PLCG2: variants seen among roughly 807,000 people sequenced by gnomAD.
PLCG2 encodes 1-phosphatidylinositol 4,5-bisphosphate phosphodiesterase gamma-2.
Under a neutral mutation model 175.6 loss-of-function variants are expected in PLCG2, and 69 were observed. That is an observed-to-expected ratio of 0.39 (90% CI 0.32 to 0.48). The LOEUF is 0.48. PLCG2 is among the 20% of genes least tolerant of loss of function. PLCG2 has a pLI of 0.91. For missense variants in PLCG2, 1,798 were observed against 1,650.9 expected (o/e 1.09, Z -1.54); for synonymous variants, 827 against 624.0 (o/e 1.33, Z -4.85).
chr16:81,815,003 A>T (rs1904480195), intron 2 of PLCG2, among the ~76,000 whole-genome samples: 1 of 152,228 alleles, frequency 6.6e-6, no homozygotes, highest in Non-Finnish European at 1.5e-5. Flanking sequence ...TATTATCAGG[A>T]CTGCTTGTTC....
rs776340676 is a variant in PLCG2, at chr16:81,931,589, A to T, written c.2674A>T (p.Arg892Trp). 6.2e-7 allele frequency: 1 copy of T among 1,614,062 alleles called. No individual in the cohort carries two copies. Among genetic ancestry groups the T allele is most frequent in the Non-Finnish European group, 8.5e-7 (1 of 1,179,960 alleles). Residue 892 changes from arginine (R) to tryptophan (W), a missense_variant, in exon 25 of 33, where the codon AGG (arginine) becomes TGG (tryptophan). Arg to Trp is a moderately radical substitution (Grantham distance 101). Transcript: ENST00000564138. Reference sequence around the variant, plus strand: ...TCCTCCGGTGGAGTTTGCCACAGACAGGGTGGAGGAGCTCTTTGAGTGGTT... The same window carrying T: ...TCCTCCGGTGGAGTTTGCCACAGACTGGGTGGAGGAGCTCTTTGAGTGGTT... Reference protein sequence around the residue: ...GDPPVEFATDRVEELFEWFQS... With the variant: ...GDPPVEFATDWVEELFEWFQS...
chr16:81,919,113 G>A (rs1056537997), intron 19 of PLCG2, among the ~76,000 whole-genome samples: 3 of 152,164 alleles, frequency 2.0e-5, no homozygotes, highest in Non-Finnish European at 4.4e-5. Context: ...CAAATGAACT[G>A]TAGCTGTGTT....
rs557023566 is a variant in PLCG2, at chr16:81,840,728, G to T, written c.194-13716G>T. Among the ~76,000 whole-genome samples the T allele has an allele frequency of 7.3e-4, 111 of 152,306 alleles. 1 individual carries two copies. Among genetic ancestry groups the T allele is most frequent in the Non-Finnish European group, 1.4e-3 (93 of 68,018 alleles). Reference sequence around the variant, plus strand: ...GACCCCTGCTCACCTCCTGCTGTGCGGCTCGATTCCTAACGGGCCACAGAC... The same window carrying T: ...GACCCCTGCTCACCTCCTGCTGTGCTGCTCGATTCCTAACGGGCCACAGAC... On this transcript the variant is annotated intron_variant, in intron 2 of 32. Transcript: ENST00000564138.
At chr16:81,948,222 A>G (rs139252338) in intron 31 of PLCG2, among the ~76,000 whole-genome samples, 25 of 152,368 alleles carry the variant, frequency 1.6e-4, no homozygotes, top group African/African-American at 5.8e-4. Flanking sequence ...GTTCTCTGCA[A>G]GTAAATAGTT....
intron 7 of PLCG2, among the ~76,000 whole-genome samples, chr16:81,878,473 C>G (rs1234456939): frequency 6.6e-6 from 1 of 152,186 alleles, no homozygotes; most frequent in East Asian, 1.9e-4. Flanking sequence ...CTAGCTATAA[C>G]TTTTTCTATC....
chr16:81,780,739 T>C (rs4398100), intron 1 of PLCG2, among the ~76,000 whole-genome samples: 128,739 of 152,202 alleles, frequency 0.85, 54,524 homozygotes, highest in South Asian at 0.95. Flanking sequence ...TTTGAAAACA[T>C]TTCTTGGTCA....
chr16:81,758,969 C>T (rs1909986245), intron 2 of PLCG2, among the ~76,000 whole-genome samples: 1 of 152,218 alleles, frequency 6.6e-6, no homozygotes, highest in Non-Finnish European at 1.5e-5. Context: ...TGAGCCACCG[C>T]ACCCGGCTAT....
intron 7 of PLCG2, among the ~76,000 whole-genome samples, chr16:81,875,979 G>C (rs1907762184): frequency 6.8e-6 from 1 of 147,164 alleles, no homozygotes; most frequent in South Asian, 2.2e-4. Context: ...CAGTGGAGAA[G>C]TTAGATAGAA....
At chr16:81,796,365 C>T (rs1911469521) in intron 2 of PLCG2, among the ~76,000 whole-genome samples, 2 of 152,328 alleles carry the variant, frequency 1.3e-5, no homozygotes, top group South Asian at 4.1e-4. Context: ...CTCCTATGGG[C>T]CATGCCTTTT....
chr16:81,910,551 C>T lies in PLCG2; in HGVS notation c.1765C>T (p.Arg589Cys), dbSNP rs773800539. ...AGGCCGGGTCCAGCACTGCCGGATCCGCTCCACCATGGAGGGCGGGACCCT... is the reference window on the plus strand; with the variant it reads ...AGGCCGGGTCCAGCACTGCCGGATCTGCTCCACCATGGAGGGCGGGACCCT... ...RSGRVQHCRIRSTMEGGTLKY... is the reference protein window; with the variant it reads ...RSGRVQHCRICSTMEGGTLKY... The change falls in exon 18 of 33, where the codon CGC becomes TGC. Residue 589 changes from arginine to cysteine, a missense_variant. Arg to Cys is a radical substitution (Grantham distance 180). Transcript: ENST00000564138. 5 of 1,614,114 alleles carry T rather than the reference C, an allele frequency of 3.1e-6. No homozygotes were observed. The highest frequency in any genetic ancestry group is 2.2e-5 in the South Asian group (2 of 91,084).
intron 2 of PLCG2, among the ~76,000 whole-genome samples, chr16:81,820,067 A>G (rs566270635): frequency 1.2e-4 from 18 of 152,266 alleles, no homozygotes; most frequent in African/African-American, 4.3e-4. Context: ...AAGATGTCCT[A>G]TTTCATCTTT....
intron 30 of PLCG2, among the ~76,000 whole-genome samples, chr16:81,940,756 C>T (rs949102092): frequency 2.6e-5 from 4 of 152,136 alleles, no homozygotes; most frequent in African/African-American, 9.7e-5. Context: ...GACCCTGCTG[C>T]TTCTAGAGCC....
intron 2 of PLCG2, among the ~76,000 whole-genome samples, chr16:81,814,825 A>C (rs1162713971): frequency 2.0e-5 from 3 of 152,096 alleles, no homozygotes; most frequent in Non-Finnish European, 2.9e-5. Context: ...TCTGAACCTT[A>C]GTTTCTTTGT....
chr16:81,821,839 C>T, intron 2 of PLCG2, among the ~76,000 whole-genome samples: 1 of 152,084 alleles, frequency 6.6e-6, no homozygotes, highest in Non-Finnish European at 1.5e-5. Flanking sequence ...GGGACCCCTC[C>T]CCTCTCAAAT....
Position 81,958,375 on chromosome 16 carries a change from C to T in PLCG2, c.*377C>T. Reference sequence around the variant, plus strand: ...CAAGAAGATTCTACCTCTAATGATCCAGGTAACTGATGTCCATGGAGGATG... The same window carrying T: ...CAAGAAGATTCTACCTCTAATGATCTAGGTAACTGATGTCCATGGAGGATG... On this transcript the variant is annotated 3_prime_UTR_variant, in exon 33 of 33. Transcript: ENST00000564138. 1 of 263,466 alleles carries T rather than the reference C, an allele frequency of 3.8e-6. No homozygotes were observed. Among genetic ancestry groups the T allele is most frequent in the Non-Finnish European group, 7.3e-6 (1 of 137,840 alleles). The allele number at this position is 263,466 out of a possible 1,614,324, so 16.3% of individuals were successfully genotyped here.
Position 81,786,137 on chromosome 16 carries a change from C to A in PLCG2, c.148C>A (p.Arg50=), listed in dbSNP as rs770951220. ...AACCGTCCAGGTGATCATGGAGACGCGGCAGGTGGCCTGGAGCAAGACCGC... is the reference window on the plus strand; with the variant it reads ...AACCGTCCAGGTGATCATGGAGACGAGGCAGGTGGCCTGGAGCAAGACCGC... ...RRTVQVIMET[R]QVAWSKTADK... Residue 50 remains arginine, a synonymous_variant, in exon 2 of 33, where the codon CGG becomes AGG. Transcript: ENST00000564138. 2.5e-6 allele frequency: 4 copies of A among 1,614,180 alleles called. No homozygotes were observed. Among genetic ancestry groups the A allele is most frequent in the East Asian group, 2.2e-5 (1 of 44,870 alleles).
intron 2 of PLCG2, among the ~76,000 whole-genome samples, chr16:81,807,658 C>T (rs964274598): frequency 2.6e-5 from 4 of 152,106 alleles, no homozygotes; most frequent in African/African-American, 9.7e-5. Flanking sequence ...GAGGCATAGC[C>T]CAGGGTCACT....
chr16:81,746,297 GC>G (rs1458928501), intron 1 of PLCG2, among the ~76,000 whole-genome samples: 4 of 152,338 alleles, frequency 2.6e-5, no homozygotes, highest in African/African-American at 9.6e-5. Flanking sequence ...CTGGCAGGGT[GC>G]CTTGAGTGCT....
intron 2 of PLCG2, among the ~76,000 whole-genome samples, chr16:81,828,879 A>G (rs906959696): frequency 6.6e-6 from 1 of 152,092 alleles, no homozygotes; most frequent in Non-Finnish European, 1.5e-5. Flanking sequence ...AGGTGGGTGG[A>G]TCATGAGTTC....
Sources: gnomAD v4.1 joint callset for allele counts (sites outside exome capture counted in the v4.1 genomes callset) on GRCh38, gnomAD v4.1.1 for gene constraint, MANE v1.5 for transcripts, NCBI Gene and HGNC (gene_info 2026-07-23, HGNC 2026-07-21) for gene names.